The following COL9A2 variants were observed in gnomAD, a reference collection of about 807,000 sequenced individuals.
The protein encoded by COL9A2 is collagen type IX alpha 2 chain.
COL9A2 carries 66 observed loss-of-function variants against 111.6 expected under a neutral mutation model. The ratio of observed to expected loss-of-function variants is 0.59; its 90% CI spans 0.48 to 0.73. The LOEUF (loss-of-function observed/expected upper bound fraction) is 0.73, where lower values mean the gene tolerates loss of function less well. Ranked by LOEUF, COL9A2 falls within the 30% of genes least tolerant of loss-of-function variation. The probability of loss-of-function intolerance (pLI) is 0.00; values close to 1 mark genes in which losing one functional copy is unlikely to be tolerated. For synonymous variants in COL9A2, 353 were observed against 364.1 expected (o/e 0.97, Z 0.35); for missense variants, 881 against 954.1 (o/e 0.92, Z 1.01).
At position 40,303,335 on chromosome 1, in the gene COL9A2, G is replaced by T; in HGVS notation, c.1549-150C>A. ...GAGGAACAGATTGTACCTGGGCAGGGCCAAGGGCTTACTTGGGAAGGTCGC... is the reference window on the plus strand; with the variant it reads ...GAGGAACAGATTGTACCTGGGCAGGTCCAAGGGCTTACTTGGGAAGGTCGC... On this transcript the variant is annotated intron_variant, in intron 28 of 31. Coordinates refer to ENST00000372748, the MANE Select transcript of COL9A2 (RefSeq NM_001852.4). This position sits in a 1 kb window ranked among gnomAD's most constrained non-coding sequence, Gnocchi z 4.6. 8.7e-7 allele frequency: 1 copy of T among 1,143,210 alleles called. No homozygotes were observed. The highest frequency in any genetic ancestry group is 1.3e-6 in the Non-Finnish European group (1 of 785,422). 70.8% of individuals were successfully genotyped at this position (1,143,210 alleles called of 1,614,324 possible).
At position 40,303,113 on chromosome 1, in the gene COL9A2, G is replaced by C; in HGVS notation, c.1603+18C>G. The C allele has an allele frequency of 6.2e-7, 1 of 1,611,052 alleles. No individual in the cohort carries two copies. Among genetic ancestry groups the C allele is most frequent in the South Asian group, 1.1e-5 (1 of 90,344 alleles). On this transcript the variant is annotated intron_variant, in intron 29 of 31. Coordinates refer to ENST00000372748, the MANE Select transcript of COL9A2 (RefSeq NM_001852.4). This position sits in a 1 kb window ranked among gnomAD's most constrained non-coding sequence, Gnocchi z 4.6. The stretch of plus-strand genomic sequence containing the variant: ...GATGCCCTCGAACTGACTGTGAGGA[G>C]GGGTTGCTGCCCCTCACCTTGCAGC...
At position 40,302,205 on chromosome 1, in the gene COL9A2, C is replaced by A. The variant is rs1643924613; in HGVS notation, c.1793-316G>T. Among the ~76,000 whole-genome samples, 1 of 152,122 alleles carries A rather than the reference C, an allele frequency of 6.6e-6. No homozygotes were observed. The highest frequency in any genetic ancestry group is 6.5e-5 in the Admixed American group (1 of 15,274). ...TCACTGCCACATGATGAGGTTGGTA[C>A]TTTCAGTGTCCCCATTTTACAGATA... On this transcript the variant is annotated intron_variant, in intron 30 of 31. Coordinates refer to ENST00000372748, the MANE Select transcript of COL9A2 (RefSeq NM_001852.4). This position sits in a 1 kb window ranked among gnomAD's most constrained non-coding sequence, Gnocchi z 4.5.
rs1644134031 is a variant in COL9A2 at position 40,311,847 on chromosome 1, G to A, written c.418-132C>T. 1 of 1,077,378 alleles carries A rather than the reference G, an allele frequency of 9.3e-7. No individual in the cohort carries two copies. The highest frequency in any genetic ancestry group is 1.3e-5 in the South Asian group (1 of 77,410). 66.7% of individuals were successfully genotyped at this position (1,077,378 alleles called of 1,614,324 possible). A position where few individuals can be genotyped will look rare whatever the true frequency, so the allele number is the denominator to read the frequency against. On this transcript the variant is annotated intron_variant, in intron 8 of 31. Transcript: ENST00000372748. This position sits in a 1 kb window ranked among gnomAD's most constrained non-coding sequence, Gnocchi z 5.1. ...TCACTTTGTGAGATCCACCATCTTG[G>A]GAGATGAAGGCCTGATTGACAGGGG...
In COL9A2 at chr1:40,311,223, C is replaced by T. The variant is rs1393543945; in HGVS notation, c.576+7G>A. On this transcript the variant is annotated splice_region_variant and intron_variant, in intron 11 of 31. Transcript: ENST00000372748. This position sits in a 1 kb window ranked among gnomAD's most constrained non-coding sequence, Gnocchi z 5.1. ...ACCCTCCCAAGATTCAGGCCAGGAG[C>T]TCTCACCTTCACTCCCTGCAGCCCT... is the stretch of plus-strand genomic sequence containing the variant. 6.2e-7 allele frequency: 1 copy of T among 1,614,058 alleles called. No individual in the cohort carries two copies.
intron 20 of COL9A2, 97 bp downstream of exon 20, chr1:40,306,046 G>T: frequency 1.4e-6 from 2 of 1,423,394 alleles, no homozygotes; most frequent in Non-Finnish European, 2.0e-6. Flanking sequence ...TTATGTTCTG[G>T]CTGAGCCTCT....
chr1:40,315,365 A>C, intron 2 of COL9A2: 5 of 1,378,578 alleles, frequency 3.6e-6, no homozygotes, highest in Non-Finnish European at 4.7e-6. Flanking sequence ...ACTGAACAGC[A>C]GCTCCTTGTC....
In COL9A2 at chr1:40,301,359, C is replaced by T. The variant is rs772895470; in HGVS notation, c.1893G>A (p.Gln631=). The T allele has an allele frequency of 6.2e-7, 1 of 1,608,902 alleles. No homozygotes were observed. The highest frequency in any genetic ancestry group is 1.1e-5 in the South Asian group (1 of 90,794). Residue 631 remains glutamine (Q), a synonymous_variant, in exon 32 of 32, where the codon CAG becomes CAA. Transcript: ENST00000372748. ...GATCTCCATCCTTGCCGTTGATTGCCTGGCCAGGCCGGCCAGGGAGTCCTG... is the reference window on the plus strand; with the variant it reads ...GATCTCCATCCTTGCCGTTGATTGCTTGGCCAGGCCGGCCAGGGAGTCCTG... ...GIPGLPGRPG[Q]AINGKDGDRG...
Position 40,312,023 on chromosome 1 carries a change from G to A in COL9A2, c.417+36C>T, listed in dbSNP as rs1278352028. On this transcript the variant is annotated intron_variant, in intron 8 of 31. Coordinates refer to ENST00000372748, the MANE Select transcript of COL9A2 (RefSeq NM_001852.4). The surrounding 1 kb of genome is among the most constrained non-coding windows in gnomAD (Gnocchi z 6.0). ...CAGCTTGCCAGCTTGGAGATAGAAG[G>A]CAGGAGGCAGTGAACAGAGGGTGGC... 7.6e-6 allele frequency: 12 copies of A among 1,583,918 alleles called. No homozygotes were observed. The highest frequency in any genetic ancestry group is 1.0e-5 in the Non-Finnish European group (12 of 1,164,876).
chr1:40,303,429 A>C lies in COL9A2; in HGVS notation c.1548+101T>G. On this transcript the variant is annotated intron_variant, in intron 28 of 31. Transcript: ENST00000372748. The surrounding 1 kb of genome is among the most constrained non-coding windows in gnomAD (Gnocchi z 4.6). ...TGGGGCTTGGAACCAGTCTCGGGGA[A>C]GTCGGTGAGTCTCTGGGAATCCCTA... The C allele has an allele frequency of 2.0e-6, 3 of 1,504,762 alleles. No individual in the cohort carries two copies. Among genetic ancestry groups the C allele is most frequent in the Non-Finnish European group, 2.7e-6 (3 of 1,102,192 alleles). 93.2% of individuals were successfully genotyped at this position (1,504,762 alleles called of 1,614,324 possible).
Position 40,312,109 on chromosome 1 carries a change from G to A in COL9A2, c.367C>T (p.Pro123Ser), listed in dbSNP as rs369407377. 1.9e-6 allele frequency: 3 copies of A among 1,600,660 alleles called. No homozygotes were observed. Among genetic ancestry groups the A allele is most frequent in the East Asian group, 2.3e-5 (1 of 44,418 alleles). ...PGPGFAGPPG[P>S]PGPVGLPGEI... ...CCAGGGAGGCCAACAGGTCCAGGAG[G>A]CCCCTGGGGAGCAGAGAGTTGATGG... Residue 123 changes from proline to serine, a missense_variant, in exon 8 of 32, where the codon CCT becomes TCT. Physicochemically the swap from Pro to Ser is moderately conservative, Grantham distance 74. Coordinates refer to ENST00000372748, the MANE Select transcript of COL9A2 (RefSeq NM_001852.4). The surrounding 1 kb of genome is among the most constrained non-coding windows in gnomAD (Gnocchi z 6.0).
chr1:40,312,823 C>G lies in COL9A2; in HGVS notation c.250-39G>C. ...AAAATGTAGGATCAATGAGGGCCAACCTGCTCCCTGACCCACAGAGCAGGG... is the reference window on the plus strand; with the variant it reads ...AAAATGTAGGATCAATGAGGGCCAAGCTGCTCCCTGACCCACAGAGCAGGG... On this transcript the variant is annotated intron_variant, in intron 4 of 31. Coordinates refer to ENST00000372748, the MANE Select transcript of COL9A2 (RefSeq NM_001852.4). This position sits in a 1 kb window ranked among gnomAD's most constrained non-coding sequence, Gnocchi z 6.0. 1.3e-6 allele frequency: 2 copies of G among 1,536,158 alleles called. No individual in the cohort carries two copies. The highest frequency in any genetic ancestry group is 2.2e-4 in the Middle Eastern group (1 of 4,522).
Position 40,311,462 on chromosome 1 carries a change from C to A in COL9A2, c.519+38G>T. ...CGCCTCCCCATCTCTGTGGCCCCGCCCCCCTGTGTTAGCCCCGCCCCAGAC... is the reference window on the plus strand; with the variant it reads ...CGCCTCCCCATCTCTGTGGCCCCGCACCCCTGTGTTAGCCCCGCCCCAGAC... On this transcript the variant is annotated intron_variant, in intron 10 of 31. Coordinates refer to ENST00000372748, the MANE Select transcript of COL9A2 (RefSeq NM_001852.4). This position sits in a 1 kb window ranked among gnomAD's most constrained non-coding sequence, Gnocchi z 5.1. 1.3e-6 allele frequency: 2 copies of A among 1,584,396 alleles called. No homozygotes were observed. Among genetic ancestry groups the A allele is most frequent in the African/African-American group, 2.7e-5 (2 of 74,212 alleles).
In COL9A2 at chr1:40,314,510, C is replaced by T. The variant is rs1644184939; in HGVS notation, c.151-123G>A. The T allele has an allele frequency of 3.3e-6, 4 of 1,195,190 alleles. No individual in the cohort carries two copies. The highest frequency in any genetic ancestry group is 5.0e-6 in the Non-Finnish European group (4 of 806,830). The allele number at this position is 1,195,190 out of a possible 1,614,324, so 74.0% of individuals were successfully genotyped here. On this transcript the variant is annotated intron_variant, in intron 2 of 31. Coordinates refer to ENST00000372748, the MANE Select transcript of COL9A2 (RefSeq NM_001852.4). This position sits in a 1 kb window ranked among gnomAD's most constrained non-coding sequence, Gnocchi z 4.1. Reference sequence around the variant, plus strand: ...ACTCTCCTCTCTTCTGTCCAGGTCCCCTAAGCCTTGCAATCTTTGGGAAAA... The same window carrying T: ...ACTCTCCTCTCTTCTGTCCAGGTCCTCTAAGCCTTGCAATCTTTGGGAAAA...
Position 40,311,001 on chromosome 1 carries a change from C to G in COL9A2, c.630+92G>C. The G allele has an allele frequency of 6.5e-7, 1 of 1,539,658 alleles. No individual in the cohort carries two copies. Among genetic ancestry groups the G allele is most frequent in the Non-Finnish European group, 9.0e-7 (1 of 1,112,738 alleles). On this transcript the variant is annotated intron_variant, in intron 12 of 31. Transcript: ENST00000372748. The surrounding 1 kb of genome is among the most constrained non-coding windows in gnomAD (Gnocchi z 5.1). ...CTCAAGGCTCTGTCCCCAGAACCCACAGGGGAAGGGGAAGGGACGAAGAAG... is the reference window on the plus strand; with the variant it reads ...CTCAAGGCTCTGTCCCCAGAACCCAGAGGGGAAGGGGAAGGGACGAAGAAG...
At chr1:40,308,102 A>C in intron 17 of COL9A2, 90 bp downstream of exon 17, 1 of 1,318,912 alleles carries the variant, frequency 7.6e-7, no homozygotes. Flanking sequence ...CAGAGTTCAG[A>C]CTAGCATCCC....
chr1:40,302,679 A>T lies in COL9A2; in HGVS notation c.1734T>A (p.Pro578=). The stretch of plus-strand genomic sequence containing the variant: ...CTCCCACGATGCCAGGAACGCCCCG[A>T]GGGCCAGGGTGCCCATGGGGGCCCT... ...GKQGPHGHPG[P]RGVPGIVGAV... Residue 578 remains proline (P), a synonymous_variant, in exon 30 of 32, where the codon CCT becomes CCA. Coordinates refer to ENST00000372748, the MANE Select transcript of COL9A2 (RefSeq NM_001852.4). This position sits in a 1 kb window ranked among gnomAD's most constrained non-coding sequence, Gnocchi z 4.5. 3 of 1,598,032 alleles carry T rather than the reference A, an allele frequency of 1.9e-6. No individual in the cohort carries two copies. Among genetic ancestry groups the T allele is most frequent in the Non-Finnish European group, 2.6e-6 (3 of 1,173,740 alleles).
intron 21 of COL9A2, 80 bp downstream of exon 21, chr1:40,305,635 G>T (rs1644016721): frequency 7.6e-7 from 1 of 1,322,726 alleles, no homozygotes; most frequent in Non-Finnish European, 1.1e-6. Context: ...GACTAACTCG[G>T]AGCTCTCCCT....
rs944096015 is a variant in COL9A2 at position 40,302,428 on chromosome 1, C to A, written c.1792+193G>T. Among the ~76,000 whole-genome samples, 6 of 152,158 alleles carry A rather than the reference C, an allele frequency of 3.9e-5. No individual in the cohort carries two copies. Among genetic ancestry groups the A allele is most frequent in the Non-Finnish European group, 8.8e-5 (6 of 68,030 alleles). ...ACATTCAAAAACAAACCCCAGAAAC[C>A]CCGAGTGATAACATAGTACATTCAT... On this transcript the variant is annotated intron_variant, in intron 30 of 31. Transcript: ENST00000372748. The surrounding 1 kb of genome is among the most constrained non-coding windows in gnomAD (Gnocchi z 4.5).
In COL9A2 at chr1:40,310,246, A is replaced by G. The variant is rs1165491216; in HGVS notation, c.738+18T>C. The G allele has an allele frequency of 2.5e-6, 4 of 1,613,820 alleles. No individual in the cohort carries two copies. The South Asian group carries it at 3.3e-5, about 13-fold the overall frequency. On this transcript the variant is annotated intron_variant, in intron 14 of 31. Transcript: ENST00000372748. The surrounding 1 kb of genome is among the most constrained non-coding windows in gnomAD (Gnocchi z 4.9). ...CAGCTCCTGGAAGCTCTTGTAGAAC[A>G]CCCCAAGATTCACTTACCGTCTCTC...
Sources: allele counts gnomAD v4.1 joint callset (sites outside exome capture counted in the v4.1 genomes callset), GRCh38; gene constraint gnomAD v4.1.1; non-coding constraint Gnocchi (gnomAD v3.1); transcripts MANE v1.5; gene names NCBI Gene and HGNC (gene_info 2026-07-23, HGNC 2026-07-21).